TEX9: variants seen among roughly 807,000 people sequenced by gnomAD.
The protein encoded by TEX9 is testis-expressed protein 9.
Under a neutral mutation model 59.6 loss-of-function variants are expected in TEX9, and 74 were observed. That is an observed-to-expected ratio of 1.24 (90% CI 1.03 to 1.51). The LOEUF (loss-of-function observed/expected upper bound fraction) is 1.51, where lower values mean the gene tolerates loss of function less well. TEX9 is among the 40% of genes most tolerant of loss of function. The pLI, the probability that TEX9 is intolerant of heterozygous loss-of-function variation, is 0.00. For synonymous variants in TEX9, 186 were observed against 152.2 expected (o/e 1.22, Z -1.64); for missense variants, 522 against 447.8 (o/e 1.17, Z -1.49).
chr15:56,292,516 C>G (rs2045119036), intron 1 of TEX9, among the ~76,000 whole-genome samples: 1 of 152,128 alleles, frequency 6.6e-6, no homozygotes, highest in South Asian at 2.1e-4. Flanking sequence ...GGCCTTAGAC[C>G]TTTTGGCAGT....
At chr15:56,282,473 A>G (rs576074606) in intron 1 of TEX9, among the ~76,000 whole-genome samples, 38 of 152,290 alleles carry the variant, frequency 2.5e-4, no homozygotes, top group Non-Finnish European at 2.8e-4. Flanking sequence ...ATTATTACTT[A>G]ATATTGCATA....
intron 1 of TEX9, among the ~76,000 whole-genome samples, chr15:56,327,601 G>T (rs12441202): frequency 0.026 from 3,939 of 152,174 alleles, 123 homozygotes; most frequent in Admixed American, 0.078. Context: ...CACTGAAGAG[G>T]GTAAGAAAGA....
intron 1 of TEX9, among the ~76,000 whole-genome samples, chr15:56,305,818 A>G (rs1010735156): frequency 6.6e-6 from 1 of 152,190 alleles, no homozygotes. Flanking sequence ...GTAAGGAATC[A>G]ACAAAGTGAA....
intron 10 of TEX9, among the ~76,000 whole-genome samples, chr15:56,418,384 T>C (rs571910636): frequency 6.6e-6 from 1 of 151,950 alleles, no homozygotes; most frequent in South Asian, 2.1e-4. Context: ...TGGTAAAGAG[T>C]TCCTTCAACA....
intron 9 of TEX9, among the ~76,000 whole-genome samples, chr15:56,403,878 G>T (rs1233123013): frequency 6.6e-6 from 1 of 152,178 alleles, no homozygotes. Context: ...ACAAGAAATG[G>T]GGAAAGGAGT....
At chr15:56,269,374 T>C (rs1275990402) in intron 1 of TEX9, among the ~76,000 whole-genome samples, 1 of 152,152 alleles carries the variant, frequency 6.6e-6, no homozygotes, top group African/African-American at 2.4e-5. Flanking sequence ...CTTTTGAATG[T>C]GTTTGCTCTT....
chr15:56,282,567 T>G (rs1447816898), intron 1 of TEX9, among the ~76,000 whole-genome samples: 2 of 152,162 alleles, frequency 1.3e-5, no homozygotes, highest in Non-Finnish European at 2.9e-5. Context: ...TCAAGAAATC[T>G]CATTAGAATC....
chr15:56,287,505 C>T (rs750111814), intron 1 of TEX9, among the ~76,000 whole-genome samples: 20 of 152,194 alleles, frequency 1.3e-4, no homozygotes, highest in African/African-American at 4.1e-4. Flanking sequence ...TATTTAACAT[C>T]GTAGTACCTC....
chr15:56,431,761 GA>G (rs2050603696), intron 12 of TEX9, among the ~76,000 whole-genome samples: 1 of 151,776 alleles, frequency 6.6e-6, no homozygotes, highest in Non-Finnish European at 1.5e-5. Flanking sequence ...ATTACCAAGG[GA>G]AAAAATATTC....
upstream of TEX9, among the ~76,000 whole-genome samples, chr15:56,361,014 G>A (rs529213733): frequency 6.6e-6 from 1 of 152,082 alleles, no homozygotes; most frequent in East Asian, 1.9e-4. Context: ...CATGGCATGC[G>A]TCCTATTTCT....
chr15:56,418,753 T>G (rs907888689), intron 10 of TEX9, among the ~76,000 whole-genome samples: 2 of 151,968 alleles, frequency 1.3e-5, no homozygotes, highest in Non-Finnish European at 2.9e-5. Context: ...AACACCTAGA[T>G]AATTATCGAA....
intron 1 of TEX9, among the ~76,000 whole-genome samples, chr15:56,318,119 A>G (rs180870317): frequency 7.9e-5 from 12 of 152,094 alleles, no homozygotes; most frequent in South Asian, 2.1e-4. Context: ...TTCTCCTTCA[A>G]TTCTCTCAAT....
chr15:56,312,124 G>T (rs1356871067), intron 1 of TEX9, among the ~76,000 whole-genome samples: 2 of 148,740 alleles, frequency 1.3e-5, no homozygotes, highest in African/African-American at 4.9e-5. Flanking sequence ...AGTTTCTTTT[G>T]CTGTGCAGAA....
intron 12 of TEX9, among the ~76,000 whole-genome samples, chr15:56,430,512 T>C (rs1329216320): frequency 6.6e-6 from 1 of 152,214 alleles, no homozygotes; most frequent in East Asian, 1.9e-4. Flanking sequence ...AGCCAGTTAC[T>C]ATTTTATTTG....
chr15:56,303,662 G>A (rs2045412252), intron 1 of TEX9, among the ~76,000 whole-genome samples: 2 of 151,878 alleles, frequency 1.3e-5, no homozygotes, highest in African/African-American at 4.8e-5. Context: ...AACACAATAT[G>A]AGTAGCAGAA....
At chr15:56,365,419 T>C (rs139466571), upstream of TEX9, 24 of 1,604,268 alleles carry the variant, frequency 1.5e-5, no homozygotes, top group Non-Finnish European at 1.9e-5. Context: ...AGATGCGTCG[T>C]TGCCTCGGTA....
chr15:56,342,649 A>G (rs1304344588), intron 1 of TEX9, among the ~76,000 whole-genome samples: 3 of 152,186 alleles, frequency 2.0e-5, no homozygotes, highest in Non-Finnish European at 2.9e-5. Context: ...ACAGTAAAGA[A>G]CTTTTTTAAA....
At chr15:56,389,614 T>G (rs1280683268) in intron 6 of TEX9, among the ~76,000 whole-genome samples, 1 of 151,978 alleles carries the variant, frequency 6.6e-6, no homozygotes, top group East Asian at 1.9e-4. Context: ...TATTGTTCTC[T>G]TAAGCAAAAT....
rs532042382 is a variant in TEX9, at chr15:56,388,194, A to G, written c.264-278A>G. ...GGGTAATTGCTGTGGATAGCCCACA[A>G]TTACTCTTTATGATTTCCATTCATT... On this transcript the variant is annotated intron_variant, in intron 4 of 12. Coordinates refer to ENST00000352903, the Ensembl canonical transcript of TEX9. Among the ~76,000 whole-genome samples the G allele has an allele frequency of 1.5e-3, 223 of 152,090 alleles. 3 individuals carry two copies. The highest frequency in any genetic ancestry group is 1.3e-3 in the African/African-American group (55 of 41,484).
Sources: gnomAD v4.1 joint callset for allele counts (sites outside exome capture counted in the v4.1 genomes callset) on GRCh38, gnomAD v4.1.1 for gene constraint, MANE v1.5 for transcripts, NCBI Gene and HGNC (gene_info 2026-07-23, HGNC 2026-07-21) for gene names.